TAFA5: variants seen among roughly 807,000 people sequenced by gnomAD.
The protein encoded by TAFA5 is TAFA chemokine like family member 5, also known as chemokine-like protein TAFA-5.
Under a neutral mutation model 15.3 loss-of-function variants are expected in TAFA5, and 6 were observed. The observed-to-expected ratio is 0.39, with a 90% CI of 0.21 to 0.77. TAFA5 has a LOEUF of 0.77. Ranked by LOEUF, TAFA5 falls within the 30% of genes least tolerant of loss-of-function variation. The pLI is 0.41. For synonymous variants in TAFA5, 103 were observed against 80.7 expected (o/e 1.28, Z -1.48); for missense variants, 161 against 193.1 (o/e 0.83, Z 0.98).
At chr22:48,656,697 C>CT (rs71316950) in intron 2 of TAFA5, among the ~76,000 whole-genome samples, 5,547 of 83,458 alleles carry the variant, frequency 0.066, 354 homozygotes, top group African/African-American at 0.12. Context: ...ACCAAAAGTT[C>CT]TTTTTTTTTT....
chr22:48,611,282 C>T (rs1369397318), intron 1 of TAFA5, among the ~76,000 whole-genome samples: 2 of 152,244 alleles, frequency 1.3e-5, no homozygotes, highest in East Asian at 1.9e-4. Context: ...CCGCGAAATA[C>T]AGCCTCTCTG....
chr22:48,653,232 C>T (rs556392659), intron 2 of TAFA5, among the ~76,000 whole-genome samples: 32 of 152,336 alleles, frequency 2.1e-4, no homozygotes, highest in Admixed American at 7.2e-4. Flanking sequence ...TTCCATTCTG[C>T]CTGGATCCAG....
chr22:48,748,710 G>A (rs982397502), intron 3 of TAFA5, among the ~76,000 whole-genome samples: 13 of 152,330 alleles, frequency 8.5e-5, no homozygotes, highest in Admixed American at 2.0e-4. Flanking sequence ...CTCAGGAACC[G>A]CAGCTGGCCA....
At chr22:48,663,618 A>G (rs1400530723) in intron 2 of TAFA5, among the ~76,000 whole-genome samples, 1 of 152,264 alleles carries the variant, frequency 6.6e-6, no homozygotes, top group Non-Finnish European at 1.5e-5. Context: ...GTCCAAAAAT[A>G]TTAAATAGAA....
chr22:48,701,025 G>A (rs1401545361), intron 2 of TAFA5, among the ~76,000 whole-genome samples: 2 of 152,250 alleles, frequency 1.3e-5, no homozygotes, highest in African/African-American at 4.8e-5. Flanking sequence ...CCCTCTGGCT[G>A]TTACTAGAAG....
chr22:48,615,499 G>A (rs1376195523), intron 1 of TAFA5, among the ~76,000 whole-genome samples: 2 of 152,206 alleles, frequency 1.3e-5, no homozygotes, highest in African/African-American at 2.4e-5. Flanking sequence ...TTCCTGGGGG[G>A]CTCCCTGTGC....
chr22:48,567,221 C>T (rs1027982770), intron 1 of TAFA5, among the ~76,000 whole-genome samples: 6 of 152,202 alleles, frequency 3.9e-5, no homozygotes, highest in East Asian at 1.9e-4. Flanking sequence ...GAGGGGCAGG[C>T]GGAGCCCTCA....
intron 1 of TAFA5, among the ~76,000 whole-genome samples, chr22:48,609,822 G>C (rs1327992393): frequency 6.6e-6 from 1 of 152,198 alleles, no homozygotes; most frequent in Non-Finnish European, 1.5e-5. Context: ...CTCTCTGGCT[G>C]CCCGTGGCTC....
intron 1 of TAFA5, among the ~76,000 whole-genome samples, chr22:48,573,953 C>A (rs987676571): frequency 3.0e-4 from 46 of 152,152 alleles, no homozygotes; most frequent in Non-Finnish European, 6.2e-4. Context: ...ACCCAGAAGA[C>A]CCCCGAGTCC....
chr22:48,712,095 C>T (rs1929272232), intron 3 of TAFA5, among the ~76,000 whole-genome samples: 1 of 152,230 alleles, frequency 6.6e-6, no homozygotes, highest in African/African-American at 2.4e-5. Flanking sequence ...TCGCTCTTGT[C>T]ACCCAGGCTG....
rs188157521 is a variant in TAFA5 at position 48,751,495 on chromosome 22, C to G, written c.*1648C>G. The G allele has an allele frequency of 6.5e-4, 99 of 152,478 alleles. No individual in the cohort carries two copies. Among genetic ancestry groups the G allele is most frequent in the African/African-American group, 2.4e-3 (98 of 41,554 alleles). 9.4% of individuals were successfully genotyped at this position (152,478 alleles called of 1,614,324 possible). A position where few individuals can be genotyped will look rare whatever the true frequency, so the allele number is the denominator to read the frequency against. On this transcript the variant is annotated 3_prime_UTR_variant, in exon 4 of 4. Transcript: ENST00000402357. ...GCTAGTTCTATCCTACTAAAAAAAA[C>G]GTAAAAAAATAACTATATAGAAGCT... is the stretch of plus-strand genomic sequence containing the variant.
chr22:48,589,431 T>C (rs1358655514), intron 1 of TAFA5, among the ~76,000 whole-genome samples: 1 of 150,102 alleles, frequency 6.7e-6, no homozygotes, highest in Non-Finnish European at 1.5e-5. Flanking sequence ...CAGAGCCACC[T>C]GGAAACCCAG....
At chr22:48,743,968 G>A (rs1171465687) in intron 3 of TAFA5, among the ~76,000 whole-genome samples, 1 of 152,198 alleles carries the variant, frequency 6.6e-6, no homozygotes, top group Non-Finnish European at 1.5e-5. Flanking sequence ...TGATGAGTTT[G>A]GGGGATTTTA....
intron 1 of TAFA5, among the ~76,000 whole-genome samples, chr22:48,559,132 G>A (rs1923140579): frequency 6.6e-6 from 1 of 152,208 alleles, no homozygotes; most frequent in African/African-American, 2.4e-5. Flanking sequence ...CCCATACCAG[G>A]AACCCAGTTG....
intron 1 of TAFA5, among the ~76,000 whole-genome samples, chr22:48,584,713 C>T (rs545496090): frequency 1.3e-5 from 2 of 148,922 alleles, no homozygotes; most frequent in African/African-American, 2.5e-5. Flanking sequence ...CAAAATGCAC[C>T]ACACACCCCA....
chr22:48,675,721 G>A (rs763549908), intron 2 of TAFA5, among the ~76,000 whole-genome samples: 22 of 152,272 alleles, frequency 1.4e-4, no homozygotes, highest in Non-Finnish European at 2.8e-4. Flanking sequence ...TTCCTTCACA[G>A]CTGCCGGGGA....
rs183898425 is a variant in TAFA5 at position 48,588,357 on chromosome 22, G to A, written c.113-58240G>A. ...GGCAGAAAGTGCAGTCTCGGCGGCC[G>A]CCCGAGAACCAGGTGCCCTCTCTCC... is the stretch of plus-strand genomic sequence containing the variant. On this transcript the variant is annotated intron_variant, in intron 1 of 3. Coordinates refer to ENST00000402357, the MANE Select transcript of TAFA5 (RefSeq NM_001082967.3). 9.9e-4 allele frequency among the ~76,000 whole-genome samples: 150 copies of A among 152,266 alleles called. No individual in the cohort carries two copies. In the East Asian group the frequency reaches 0.025, roughly 25 times the overall value.
intron 2 of TAFA5, among the ~76,000 whole-genome samples, chr22:48,697,001 C>T (rs1928732846): frequency 6.6e-6 from 1 of 152,174 alleles, no homozygotes; most frequent in African/African-American, 2.4e-5. Context: ...AGATGAGAAA[C>T]CAGGGGCAAA....
intron 1 of TAFA5, among the ~76,000 whole-genome samples, chr22:48,581,925 C>T (rs1185472348): frequency 1.3e-5 from 2 of 152,142 alleles, no homozygotes; most frequent in South Asian, 2.1e-4. Flanking sequence ...TGTGGCTGCA[C>T]TGCGATCTGA....
Sources: allele counts gnomAD v4.1 joint callset (sites outside exome capture counted in the v4.1 genomes callset), GRCh38; gene constraint gnomAD v4.1.1; transcripts MANE v1.5; gene names NCBI Gene and HGNC (gene_info 2026-07-23, HGNC 2026-07-21).